The following SLC24A3 variants were observed in gnomAD, a reference collection of about 807,000 sequenced individuals.
The protein encoded by SLC24A3 is solute carrier family 24 member 3.
A neutral mutation model predicts 75.8 loss-of-function variants in SLC24A3; 28 were observed. The ratio of observed to expected loss-of-function variants is 0.37; its 90% CI spans 0.27 to 0.51. The LOEUF (loss-of-function observed/expected upper bound fraction) is 0.51. Among genes scored for constraint, SLC24A3 ranks in the 20% least tolerant of loss-of-function variants. The probability of loss-of-function intolerance (pLI) is 0.94; values close to 1 mark genes in which losing one functional copy is unlikely to be tolerated. For synonymous variants in SLC24A3, 372 were observed against 334.1 expected (o/e 1.11, Z -1.24); for missense variants, 663 against 847.8 (o/e 0.78, Z 2.71).
chr20:19,269,911 A>G (rs989517044), intron 1 of SLC24A3, among the ~76,000 whole-genome samples: 2 of 152,322 alleles, frequency 1.3e-5, no homozygotes, highest in African/African-American at 4.8e-5. Context: ...AGAGAAGAAC[A>G]TCCTGCATGC....
At chr20:19,416,557 A>G (rs1986830564) in intron 2 of SLC24A3, among the ~76,000 whole-genome samples, 1 of 152,168 alleles carries the variant, frequency 6.6e-6, no homozygotes, top group South Asian at 2.1e-4. Context: ...CTGCCCAAGG[A>G]CACCTGCAAG....
chr20:19,453,164 A>G (rs79101398), intron 2 of SLC24A3, among the ~76,000 whole-genome samples: 2,787 of 152,246 alleles, frequency 0.018, 86 homozygotes, highest in African/African-American at 0.064. Flanking sequence ...TGGGTGACAG[A>G]GCGAGACTCT....
chr20:19,352,991 G>T (rs1985604071), intron 2 of SLC24A3, among the ~76,000 whole-genome samples: 1 of 152,192 alleles, frequency 6.6e-6, no homozygotes, highest in Non-Finnish European at 1.5e-5. Flanking sequence ...GATACACTTA[G>T]ATACACAAAA....
At chr20:19,356,309 G>A (rs2179820) in intron 2 of SLC24A3, among the ~76,000 whole-genome samples, 17,177 of 152,158 alleles carry the variant, frequency 0.11, 2,598 homozygotes, top group African/African-American at 0.35. Flanking sequence ...TCTCCCAAGG[G>A]CAACTACTAA....
chr20:19,556,577 A>G (rs1264020005), intron 3 of SLC24A3, among the ~76,000 whole-genome samples: 4 of 11,294 alleles, frequency 3.5e-4, no homozygotes, highest in East Asian at 6.9e-3. Flanking sequence ...CCAGTGTGTG[A>G]AAAAAAAAAA....
intron 12 of SLC24A3, among the ~76,000 whole-genome samples, chr20:19,687,290 G>A (rs2032687917): frequency 6.6e-6 from 1 of 152,198 alleles, no homozygotes; most frequent in Non-Finnish European, 1.5e-5. Flanking sequence ...TCACCTGGAT[G>A]TGTGGAGCTC....
At chr20:19,674,204 A>G (rs2032499586) in intron 9 of SLC24A3, among the ~76,000 whole-genome samples, 1 of 152,260 alleles carries the variant, frequency 6.6e-6, no homozygotes, top group African/African-American at 2.4e-5. Context: ...ATCATGGATC[A>G]AATATCTGTG....
chr20:19,635,117 C>T (rs910686934), intron 6 of SLC24A3, among the ~76,000 whole-genome samples: 2 of 152,186 alleles, frequency 1.3e-5, no homozygotes, highest in Non-Finnish European at 2.9e-5. Flanking sequence ...TGCTGGTTCT[C>T]AGAACAGACA....
chr20:19,608,868 C>A (rs1457615490), intron 6 of SLC24A3, among the ~76,000 whole-genome samples: 1 of 152,182 alleles, frequency 6.6e-6, no homozygotes, highest in Non-Finnish European at 1.5e-5. Flanking sequence ...TCTCCCCATT[C>A]ATTACATAAG....
chr20:19,271,256 T>A (rs1316434713), intron 1 of SLC24A3, among the ~76,000 whole-genome samples: 2 of 151,634 alleles, frequency 1.3e-5, no homozygotes, highest in Non-Finnish European at 2.9e-5. Flanking sequence ...TCACTAATGA[T>A]CAGGGAAATG....
chr20:19,576,144 A>T (rs922601287), intron 3 of SLC24A3, among the ~76,000 whole-genome samples: 4 of 152,108 alleles, frequency 2.6e-5, no homozygotes, highest in Non-Finnish European at 4.4e-5. Context: ...CAGGTAATAT[A>T]CCTGGAGCAT....
chr20:19,446,122 G>T (rs916991172), intron 2 of SLC24A3, among the ~76,000 whole-genome samples: 1 of 152,176 alleles, frequency 6.6e-6, no homozygotes, highest in African/African-American at 2.4e-5. Flanking sequence ...GCTGCTCATA[G>T]AGTGTGGCTT....
chr20:19,249,084 T>C (rs1449853226), intron 1 of SLC24A3, among the ~76,000 whole-genome samples: 1 of 152,084 alleles, frequency 6.6e-6, no homozygotes, highest in East Asian at 1.9e-4. Context: ...GTGAATTAGC[T>C]TGATCCAGTC....
chr20:19,662,134 T>A (rs75650724), intron 7 of SLC24A3, among the ~76,000 whole-genome samples: 115 of 152,358 alleles, frequency 7.5e-4, no homozygotes, highest in African/African-American at 2.6e-3. Flanking sequence ...AGAGGCCCCC[T>A]GACCAGCTGG....
chr20:19,241,198 T>C lies in SLC24A3; in HGVS notation c.142+28214T>C, dbSNP rs1353541888. Among the ~76,000 whole-genome samples, 6 of 152,108 alleles carry C rather than the reference T, an allele frequency of 3.9e-5. 1 individual carries two copies. Among genetic ancestry groups the C allele is most frequent in the Admixed American group, 3.9e-4 (6 of 15,276 alleles). On this transcript the variant is annotated intron_variant, in intron 1 of 16. Transcript: ENST00000328041. ...AGCAGCGGAGATGTGGCTGTTAGGG[T>C]AGGACACGGACGGGGTTATCCAGAG...
chr20:19,245,971 GAAC>G (rs1982474395), intron 1 of SLC24A3, among the ~76,000 whole-genome samples: 1 of 152,082 alleles, frequency 6.6e-6, no homozygotes, highest in African/African-American at 2.4e-5. Flanking sequence ...TAGAAGATTT[GAAC>G]AATGGTTTGA....
At chr20:19,688,741 A>G (rs1000127196) in intron 12 of SLC24A3, among the ~76,000 whole-genome samples, 23 of 152,206 alleles carry the variant, frequency 1.5e-4, no homozygotes, top group Non-Finnish European at 3.2e-4. Context: ...CTTGACTATA[A>G]TGGGTATGAT....
intron 2 of SLC24A3, among the ~76,000 whole-genome samples, chr20:19,461,067 A>C (rs866134599): frequency 6.6e-6 from 1 of 152,184 alleles, no homozygotes. Flanking sequence ...CAGTTTCTGG[A>C]AGAGATCAAG....
intron 6 of SLC24A3, among the ~76,000 whole-genome samples, chr20:19,610,899 G>T (rs752086598): frequency 3.3e-5 from 5 of 152,236 alleles, no homozygotes; most frequent in Non-Finnish European, 7.3e-5. Context: ...CTTGGACAGA[G>T]TTGCGGGCAC....
Sources: allele counts gnomAD v4.1 joint callset (sites outside exome capture counted in the v4.1 genomes callset), GRCh38; gene constraint gnomAD v4.1.1; transcripts MANE v1.5; gene names NCBI Gene and HGNC (gene_info 2026-07-23, HGNC 2026-07-21).